The following ADAM17 variants were observed in gnomAD, a reference collection of about 807,000 sequenced individuals.
ADAM17 encodes the protein disintegrin and metalloproteinase domain-containing protein 17.
In ADAM17, 39 loss-of-function variants were observed where a neutral mutation model predicts 96.7. The observed-to-expected ratio is 0.40, with a 90% CI of 0.31 to 0.53. The LOEUF is 0.53. ADAM17 is among the 20% of genes least tolerant of loss of function. The pLI is 0.44. For missense variants in ADAM17, 777 were observed against 1,013.2 expected (o/e 0.77, Z 3.17); for synonymous variants, 344 against 359.2 (o/e 0.96, Z 0.48).
chr2:9,539,146 C>T (rs1665104378), intron 2 of ADAM17, among the ~76,000 whole-genome samples: 2 of 148,380 alleles, frequency 1.3e-5, no homozygotes, highest in Non-Finnish European at 3.0e-5. Flanking sequence ...CTCACTCTGT[C>T]GCCCAGGCTG....
At chr2:9,550,428 C>T (rs1305319146) in intron 1 of ADAM17, among the ~76,000 whole-genome samples, 8 of 149,436 alleles carry the variant, frequency 5.4e-5, no homozygotes, top group Admixed American at 4.1e-4. Flanking sequence ...AACCTGTATC[C>T]GATACTCATT....
intron 14 of ADAM17, 83 bp from the exon 15 acceptor site, chr2:9,494,850 C>A: frequency 6.5e-7 from 1 of 1,530,612 alleles, no homozygotes; most frequent in Non-Finnish European, 8.9e-7. Context: ...CCTGACCATG[C>A]TCCCAAAGAG....
At chr2:9,511,881 G>A (rs1043960083) in intron 10 of ADAM17, among the ~76,000 whole-genome samples, 1 of 150,836 alleles carries the variant, frequency 6.6e-6, no homozygotes, top group African/African-American at 2.4e-5. Context: ...TGAGCCAGAA[G>A]AATTGCTTGA....
chr2:9,516,679 G>GT (rs1664075104), intron 10 of ADAM17, among the ~76,000 whole-genome samples: 1 of 152,086 alleles, frequency 6.6e-6, no homozygotes, highest in South Asian at 2.1e-4. Context: ...CTTGAACCCA[G>GT]AAGGCAGAGG....
At chr2:9,500,132 G>C (rs1662912996) in intron 13 of ADAM17, among the ~76,000 whole-genome samples, 1 of 152,160 alleles carries the variant, frequency 6.6e-6, no homozygotes, top group Non-Finnish European at 1.5e-5. Flanking sequence ...TAGCAAAAAA[G>C]TGGAAGCAAC....
chr2:9,523,878 C>CT lies in ADAM17; in HGVS notation c.754-541dup, dbSNP rs112169335. On this transcript the variant is annotated intron_variant, in intron 6 of 18. Transcript: ENST00000310823. Reference sequence around the variant, plus strand: ...GTATTTTTCTCTTCCTTATGATTTTCTTTTTTTTTTTTCAAGAGACAAGGT... The same window carrying CT: ...GTATTTTTCTCTTCCTTATGATTTTCTTTTTTTTTTTTTCAAGAGACAAGGT... 7.8e-3 allele frequency among the ~76,000 whole-genome samples: 1,129 copies of CT among 144,338 alleles called. 10 individuals carry two copies. Among genetic ancestry groups the CT allele is most frequent in the Middle Eastern group, 0.025 (7 of 278 alleles). 94.7% of individuals were successfully genotyped at this position (144,338 alleles called of 152,430 possible).
At chr2:9,502,967 C>T (rs957980696) in intron 12 of ADAM17, among the ~76,000 whole-genome samples, 29 of 150,840 alleles carry the variant, frequency 1.9e-4, no homozygotes, top group African/African-American at 6.1e-4. Flanking sequence ...GGTGAAACTC[C>T]GTCTCTACTA....
At chr2:9,507,671 GA>G (rs1028276093) in intron 11 of ADAM17, among the ~76,000 whole-genome samples, 6 of 150,894 alleles carry the variant, frequency 4.0e-5, no homozygotes, top group Non-Finnish European at 8.9e-5. Context: ...GGCAGCTCCA[GA>G]AAAAAAAAGT....
intron 12 of ADAM17, among the ~76,000 whole-genome samples, chr2:9,503,002 T>C (rs1441274724): frequency 6.7e-6 from 1 of 150,022 alleles, no homozygotes; most frequent in African/African-American, 2.5e-5. Context: ...TAGCCGGGCA[T>C]GGTGCTACAT....
chr2:9,550,047 G>A (rs763108175), intron 1 of ADAM17, among the ~76,000 whole-genome samples: 2 of 152,074 alleles, frequency 1.3e-5, no homozygotes, highest in Non-Finnish European at 2.9e-5. Context: ...TGTTTATTGT[G>A]TTTGTGCTGA....
At chr2:9,503,711 C>G (rs963481174) in intron 12 of ADAM17, among the ~76,000 whole-genome samples, 3 of 151,434 alleles carry the variant, frequency 2.0e-5, no homozygotes, top group Admixed American at 6.6e-5. Flanking sequence ...TGGTGGTGCA[C>G]ACTGTAATCC....
intron 4 of ADAM17, among the ~76,000 whole-genome samples, chr2:9,529,206 T>A (rs1298768030): frequency 5.3e-5 from 8 of 152,096 alleles, no homozygotes; most frequent in Admixed American, 5.2e-4. Context: ...TCCCAGCACT[T>A]CGGGAGGCCG....
chr2:9,533,500 T>G (rs930914522), intron 4 of ADAM17, among the ~76,000 whole-genome samples: 2 of 152,052 alleles, frequency 1.3e-5, no homozygotes, highest in African/African-American at 4.8e-5. Flanking sequence ...TGAGCTGAGA[T>G]CACGCCACTG....
At chr2:9,544,200 A>G (rs1038839057) in intron 1 of ADAM17, among the ~76,000 whole-genome samples, 11 of 152,174 alleles carry the variant, frequency 7.2e-5, no homozygotes, top group African/African-American at 1.9e-4. Context: ...GGAATATGGA[A>G]ATCTGACAAT....
intron 11 of ADAM17, chr2:9,505,645 C>T (rs1663343676): frequency 2.4e-6 from 1 of 413,564 alleles, no homozygotes; most frequent in Non-Finnish European, 4.5e-6. Context: ...GACCAAACAT[C>T]CCAGTCAAAG....
intron 6 of ADAM17, among the ~76,000 whole-genome samples, chr2:9,525,758 G>A (rs1343957637): frequency 6.6e-6 from 1 of 152,128 alleles, no homozygotes; most frequent in Non-Finnish European, 1.5e-5. Flanking sequence ...ATGGGTTCAT[G>A]CAAATACATA....
intron 6 of ADAM17, among the ~76,000 whole-genome samples, chr2:9,523,670 CA>C: frequency 6.6e-6 from 1 of 152,246 alleles, no homozygotes; most frequent in Non-Finnish European, 1.5e-5. Context: ...AAAAGTCAAT[CA>C]GTATACCTGA....
chr2:9,506,500 A>G (rs1372459683), intron 11 of ADAM17, among the ~76,000 whole-genome samples: 6 of 150,688 alleles, frequency 4.0e-5, no homozygotes, highest in Non-Finnish European at 8.8e-5. Flanking sequence ...CTGAGTAGCT[A>G]GGACTACAGG....
At position 9,494,724 on chromosome 2, in the gene ADAM17, G is replaced by A; in HGVS notation, c.1827C>T (p.Gly609=). ...CAGCATCGACATAGGGCACACAGCG[G>A]CCAGAAAGGTCCCTGCAGCACACCT... ...SCKVCCRDLS[G]RCVPYVDAEQ... is the part of the protein sequence containing the mutation. Residue 609 remains glycine (G), a synonymous_variant, in exon 15 of 19, where the codon GGC becomes GGT. Coordinates refer to ENST00000310823, the MANE Select transcript of ADAM17 (RefSeq NM_003183.6). 1.2e-6 allele frequency: 2 copies of A among 1,614,064 alleles called. No homozygotes were observed. The highest frequency in any genetic ancestry group is 1.7e-6 in the Non-Finnish European group (2 of 1,179,982).
Sources: gnomAD v4.1 joint callset for allele counts (sites outside exome capture counted in the v4.1 genomes callset) on GRCh38, gnomAD v4.1.1 for gene constraint, MANE v1.5 for transcripts, NCBI Gene and HGNC (gene_info 2026-07-23, HGNC 2026-07-21) for gene names.